PTPRD: variants seen among roughly 807,000 people sequenced by gnomAD.
PTPRD encodes protein tyrosine phosphatase receptor type D, also known as receptor-type tyrosine-protein phosphatase delta.
Under a neutral mutation model 214.5 loss-of-function variants are expected in PTPRD, and 34 were observed. The observed-to-expected ratio is 0.16, with a 90% CI of 0.12 to 0.21. PTPRD has a LOEUF of 0.21. PTPRD is among the 10% of genes least tolerant of loss of function. The probability of loss-of-function intolerance (pLI) is 1.00; values close to 1 mark genes in which losing one functional copy is unlikely to be tolerated. For missense variants in PTPRD, 2,545 were observed against 2,398.7 expected (o/e 1.06, Z -1.27); for synonymous variants, 1,128 against 845.7 (o/e 1.33, Z -5.79).
At chr9:10,057,851 C>CAAA (rs112975551) in intron 3 of PTPRD, among the ~76,000 whole-genome samples, 18 of 140,938 alleles carry the variant, frequency 1.3e-4, no homozygotes, top group East Asian at 1.3e-3. Flanking sequence ...CAAAAAAAAA[C>CAAA]AAAAAAAAAA....
chr9:8,553,508 A>G (rs1362306542), intron 14 of PTPRD, among the ~76,000 whole-genome samples: 1 of 152,190 alleles, frequency 6.6e-6, no homozygotes, highest in Non-Finnish European at 1.5e-5. Flanking sequence ...TCAGTCGTTT[A>G]CTGGACACTT....
intron 36 of PTPRD, among the ~76,000 whole-genome samples, chr9:8,397,170 A>G (rs571230816): frequency 1.3e-5 from 2 of 152,272 alleles, no homozygotes; most frequent in South Asian, 2.1e-4. Context: ...AATTTCCTTT[A>G]GTACCTTAAA....
chr9:9,453,123 G>A (rs2092489150), intron 8 of PTPRD, among the ~76,000 whole-genome samples: 1 of 150,290 alleles, frequency 6.7e-6, no homozygotes, highest in Admixed American at 6.7e-5. Flanking sequence ...TAATATTGCT[G>A]TTAAAACAAG....
chr9:9,553,128 T>C (rs1474197020), intron 8 of PTPRD, among the ~76,000 whole-genome samples: 1 of 152,092 alleles, frequency 6.6e-6, no homozygotes. Context: ...AGATAGTTTG[T>C]AATGTAGCTT....
chr9:10,149,264 C>T (rs1420475123), intron 3 of PTPRD, among the ~76,000 whole-genome samples: 1 of 152,152 alleles, frequency 6.6e-6, no homozygotes, highest in African/African-American at 2.4e-5. Flanking sequence ...TTTACTAAAA[C>T]ATAACATCAA....
chr9:10,273,993 A>G (rs1448021100), intron 3 of PTPRD, among the ~76,000 whole-genome samples: 1 of 152,106 alleles, frequency 6.6e-6, no homozygotes, highest in Non-Finnish European at 1.5e-5. Flanking sequence ...GTGTCACAAG[A>G]TGGACATACT....
intron 12 of PTPRD, among the ~76,000 whole-genome samples, chr9:8,658,813 A>C (rs2096967815): frequency 6.6e-6 from 1 of 152,152 alleles, no homozygotes; most frequent in Non-Finnish European, 1.5e-5. Context: ...TCCTTCAAGA[A>C]GGCTGGAATA....
intron 3 of PTPRD, among the ~76,000 whole-genome samples, chr9:10,229,940 C>A (rs1594832000): frequency 1.3e-5 from 2 of 152,044 alleles, no homozygotes; most frequent in African/African-American, 4.8e-5. Context: ...TATTAAAGAA[C>A]AATTATTACA....
chr9:9,206,306 G>A (rs932881950), intron 9 of PTPRD, among the ~76,000 whole-genome samples: 7 of 152,124 alleles, frequency 4.6e-5, no homozygotes, highest in Non-Finnish European at 5.9e-5. Flanking sequence ...ACAAGAGGAG[G>A]ACCATTGGAG....
intron 11 of PTPRD, among the ~76,000 whole-genome samples, chr9:8,833,475 A>G (rs1445144455): frequency 1.3e-5 from 2 of 152,070 alleles, no homozygotes; most frequent in African/African-American, 4.8e-5. Context: ...ATATATTCTA[A>G]TTAGCCTCTA....
intron 14 of PTPRD, among the ~76,000 whole-genome samples, chr9:8,544,676 G>A (rs1410875389): frequency 2.0e-5 from 3 of 150,072 alleles, no homozygotes; most frequent in Non-Finnish European, 4.4e-5. Flanking sequence ...CACCATGCTG[G>A]ACAGGCTGAT....
chr9:8,528,133 C>T (rs756839623), intron 15 of PTPRD: 4 of 302,364 alleles, frequency 1.3e-5, no homozygotes, highest in Non-Finnish European at 2.4e-5. Context: ...AGAAAACATA[C>T]TTTAATAAAA....
At chr9:10,605,575 T>C (rs1169699748) in intron 2 of PTPRD, among the ~76,000 whole-genome samples, 2 of 151,678 alleles carry the variant, frequency 1.3e-5, no homozygotes, top group East Asian at 1.9e-4. Context: ...CAACACAGCT[T>C]CCACCTAGGT....
intron 10 of PTPRD, among the ~76,000 whole-genome samples, chr9:9,144,815 C>G (rs912443218): frequency 6.6e-6 from 1 of 151,840 alleles, no homozygotes; most frequent in African/African-American, 2.4e-5. Context: ...AACAAACAAA[C>G]AAAATCTTTA....
chr9:8,924,103 G>T (rs180920237), intron 11 of PTPRD, among the ~76,000 whole-genome samples: 1 of 118,164 alleles, frequency 8.5e-6, no homozygotes, highest in East Asian at 3.0e-4. Context: ...TTCATAAGGC[G>T]CAGTCCCAGG....
At chr9:9,030,281 T>G (rs1373897462) in intron 10 of PTPRD, among the ~76,000 whole-genome samples, 1 of 46,048 alleles carries the variant, frequency 2.2e-5, no homozygotes, top group Admixed American at 2.3e-4. Flanking sequence ...TTGGGCTTTT[T>G]TTTTTTTTTT....
intron 5 of PTPRD, among the ~76,000 whole-genome samples, chr9:9,867,683 T>C (rs10978046): frequency 0.085 from 12,928 of 152,204 alleles, 1,318 homozygotes; most frequent in African/African-American, 0.25. Flanking sequence ...TGGAGAAAAG[T>C]ATCCGGAGTC....
intron 10 of PTPRD, among the ~76,000 whole-genome samples, chr9:9,132,115 C>T (rs1484449977): frequency 1.3e-5 from 2 of 152,188 alleles, no homozygotes; most frequent in African/African-American, 4.8e-5. Flanking sequence ...TCACGCCGTT[C>T]TCCTGCCTCA....
intron 8 of PTPRD, among the ~76,000 whole-genome samples, chr9:9,505,341 G>A (rs186854551): frequency 8.6e-5 from 13 of 151,330 alleles, no homozygotes; most frequent in Admixed American, 6.6e-4. Flanking sequence ...TTTTTCAATC[G>A]TGTTGGTCTA....
Sources: allele counts gnomAD v4.1 joint callset (sites outside exome capture counted in the v4.1 genomes callset), GRCh38; gene constraint gnomAD v4.1.1; transcripts MANE v1.5; gene names NCBI Gene and HGNC (gene_info 2026-07-23, HGNC 2026-07-21).